G3BP1: variants seen among roughly 807,000 people sequenced by gnomAD.
The protein encoded by G3BP1 is ras GTPase-activating protein-binding protein 1.
A neutral mutation model predicts 58.6 loss-of-function variants in G3BP1; 35 were observed. The observed-to-expected ratio is 0.60, with a 90% CI of 0.46 to 0.79. G3BP1 has a LOEUF of 0.79. G3BP1 is among the 30% of genes least tolerant of loss of function. The pLI, the probability that G3BP1 is intolerant of heterozygous loss-of-function variation, is 0.00. For synonymous variants in G3BP1, 191 were observed against 195.4 expected, an observed-to-expected ratio of 0.98 and a Z score of 0.19; for missense variants, 523 against 580.8, an observed-to-expected ratio of 0.90 and a Z score of 1.02.
chr5:151,783,975 A>G (rs1041001469), intron 1 of G3BP1, among the ~76,000 whole-genome samples: 1 of 152,022 alleles, frequency 6.6e-6, no homozygotes, highest in Non-Finnish European at 1.5e-5. Context: ...GTTGGCCAGG[A>G]TGGTCTCGAT....
In G3BP1 at chr5:151,785,482, A is replaced by G. The variant is rs559702356; in HGVS notation, c.-49-1090A>G. ...AAAATTTTTCTTTCTTTTCTGCGGT[A>G]GTTAAATCTGTATATATTCTCTGTT... On this transcript the variant is annotated intron_variant, in intron 1 of 11. Coordinates refer to ENST00000356245, the MANE Select transcript of G3BP1 (RefSeq NM_005754.3). Among the ~76,000 whole-genome samples, 57 of 152,232 alleles carry G rather than the reference A, an allele frequency of 3.7e-4. 1 individual carries two copies. The South Asian group carries it at 0.011, about 30-fold the overall frequency.
chr5:151,785,107 C>G (rs1287386746), intron 1 of G3BP1, among the ~76,000 whole-genome samples: 2 of 152,232 alleles, frequency 1.3e-5, no homozygotes, highest in African/African-American at 4.8e-5. Flanking sequence ...CCTGCCTCAG[C>G]CTCCCAAGGT....
chr5:151,799,491 G>A (rs557941739), intron 8 of G3BP1, among the ~76,000 whole-genome samples, 178 bp downstream of exon 8: 2 of 152,278 alleles, frequency 1.3e-5, no homozygotes, highest in African/African-American at 4.8e-5. Flanking sequence ...TTTGAAACCA[G>A]TCTGGGCAAC....
rs7717722 is a variant in G3BP1, at chr5:151,799,680, G to T, written c.844-209G>T. Among the ~76,000 whole-genome samples, 793 of 151,402 alleles carry T rather than the reference G, an allele frequency of 5.2e-3. 9 individuals carry two copies. The highest frequency in any genetic ancestry group is 0.018 in the African/African-American group (747 of 41,210). ...ATCATGGGCGACATACTGAGACTCTGGCTCAAAAAAAAAAAACCAACCCAA... is the reference window on the plus strand; with the variant it reads ...ATCATGGGCGACATACTGAGACTCTTGCTCAAAAAAAAAAAACCAACCCAA... On this transcript the variant is annotated intron_variant, in intron 8 of 11. Transcript: ENST00000356245.
intron 2 of G3BP1, among the ~76,000 whole-genome samples, chr5:151,789,571 C>T (rs1055783561): frequency 6.6e-6 from 1 of 152,232 alleles, no homozygotes; most frequent in African/African-American, 2.4e-5. Context: ...TTAAAAAGTA[C>T]TTCTAAAACC....
chr5:151,799,245 C>A lies in G3BP1; in HGVS notation c.775C>A (p.Leu259Ile). 6.2e-7 allele frequency: 1 copy of A among 1,602,560 alleles called. No homozygotes were observed. Among genetic ancestry groups the A allele is most frequent in the Non-Finnish European group, 8.6e-7 (1 of 1,169,422 alleles). ...FSWASVTSKN[L>I]PPSGAVPVTG... Reference sequence around the variant, plus strand: ...TTGGGCATCTGTGACCAGTAAGAATCTTCCACCCAGTGGAGCTGTTCCAGT... The same window carrying A: ...TTGGGCATCTGTGACCAGTAAGAATATTCCACCCAGTGGAGCTGTTCCAGT... The change falls in exon 8 of 12, where the codon CTT becomes ATT. Residue 259 changes from leucine to isoleucine, a missense_variant. Physicochemically the swap from Leu to Ile is conservative, Grantham distance 5. Coordinates refer to ENST00000356245, the MANE Select transcript of G3BP1 (RefSeq NM_005754.3).
At chr5:151,780,045 C>T (rs1363647473) in intron 1 of G3BP1, among the ~76,000 whole-genome samples, 1 of 152,170 alleles carries the variant, frequency 6.6e-6, no homozygotes, top group Non-Finnish European at 1.5e-5. Context: ...TGTGGTTGTA[C>T]CAGTTGAGAC....
At chr5:151,790,450 A>C (rs371358185) in intron 3 of G3BP1, 46 bp downstream of exon 3, 2 of 1,022,906 alleles carry the variant, frequency 2.0e-6, no homozygotes. Flanking sequence ...GGTAGAAAAT[A>C]ACTCATAAAA....
chr5:151,790,782 T>C, intron 3 of G3BP1, 107 bp from the exon 4 acceptor site: 1 of 657,184 alleles, frequency 1.5e-6, no homozygotes, highest in Admixed American at 2.9e-5. Context: ...GTAATTTAAA[T>C]ATACACATTC....
intron 1 of G3BP1, among the ~76,000 whole-genome samples, chr5:151,779,536 GTA>G (rs1332930243): frequency 6.6e-6 from 1 of 152,094 alleles, no homozygotes; most frequent in Non-Finnish European, 1.5e-5. Context: ...TCTAGCCTGT[GTA>G]TCTATGTACG....
At chr5:151,776,586 C>A (rs1762375090) in intron 1 of G3BP1, among the ~76,000 whole-genome samples, 1 of 152,022 alleles carries the variant, frequency 6.6e-6, no homozygotes, top group Non-Finnish European at 1.5e-5. Context: ...TTATTTTCCT[C>A]ATTCCTTCTA....
chr5:151,774,724 A>G (rs763673235), intron 1 of G3BP1, among the ~76,000 whole-genome samples: 7 of 151,694 alleles, frequency 4.6e-5, no homozygotes, highest in Non-Finnish European at 7.4e-5. Flanking sequence ...GTCAAAAAAA[A>G]AAAGGAAAGC....
Position 151,807,131 on chromosome 5 carries a change from ATTTGAC to A in G3BP1, c.*3045_*3050del, listed in dbSNP as rs1324970087. On this transcript the variant is annotated 3_prime_UTR_variant, in exon 12 of 12. Coordinates refer to ENST00000356245, the MANE Select transcript of G3BP1 (RefSeq NM_005754.3). ...TGAGATAGATAATCCAAAAATAATAATTTGACTTTGGTTGAGTATGTCATTACCACA... is the reference window on the plus strand; with the variant it reads ...TGAGATAGATAATCCAAAAATAATAATTTGGTTGAGTATGTCATTACCACA... 1.3e-5 allele frequency: 2 copies of A among 152,202 alleles called. No individual in the cohort carries two copies. The highest frequency in any genetic ancestry group is 2.4e-5 in the African/African-American group (1 of 41,442). The allele number at this position is 152,202 out of a possible 1,614,324, so 9.4% of individuals were successfully genotyped here. A position where few individuals can be genotyped will look rare whatever the true frequency, so the allele number is the denominator to read the frequency against.
intron 1 of G3BP1, among the ~76,000 whole-genome samples, chr5:151,784,887 T>C (rs1762532697): frequency 6.6e-6 from 1 of 152,222 alleles, no homozygotes; most frequent in Non-Finnish European, 1.5e-5. Flanking sequence ...AATGGGAAAC[T>C]ATAAGCGTAT....
In G3BP1 at chr5:151,801,819, AT is replaced by A. The variant is rs570635661; in HGVS notation, c.1194+963del. Among the ~76,000 whole-genome samples, 746 of 145,598 alleles carry A rather than the reference AT, an allele frequency of 5.1e-3. 4 individuals are homozygous for A. Among genetic ancestry groups the A allele is most frequent in the African/African-American group, 0.014 (544 of 40,058 alleles). ...ATACTGCAAAGTTTTTTATTTTTTT[AT>A]TTTTTTTTTTTTGAGACAGTGTCTC... On this transcript the variant is annotated intron_variant, in intron 11 of 11. Coordinates refer to ENST00000356245, the MANE Select transcript of G3BP1 (RefSeq NM_005754.3).
chr5:151,798,903 A>G (rs546111821), intron 7 of G3BP1, among the ~76,000 whole-genome samples: 23 of 151,914 alleles, frequency 1.5e-4, no homozygotes, highest in Middle Eastern at 6.8e-3. Flanking sequence ...GTAGGCTGCA[A>G]TGAGCTGTGT....
chr5:151,781,627 C>T (rs1258291751), intron 1 of G3BP1, among the ~76,000 whole-genome samples: 1 of 152,180 alleles, frequency 6.6e-6, no homozygotes, highest in Non-Finnish European at 1.5e-5. Flanking sequence ...TATTAAATTG[C>T]TTGATCTGTA....
chr5:151,779,662 G>A (rs1322357540), intron 1 of G3BP1, among the ~76,000 whole-genome samples: 2 of 152,276 alleles, frequency 1.3e-5, no homozygotes, highest in African/African-American at 2.4e-5. Context: ...TTATGTGCTC[G>A]CTTTCTGGCA....
At chr5:151,797,455 C>A (rs1762773791) in intron 7 of G3BP1, 27 bp downstream of exon 7, 3 of 1,575,072 alleles carry the variant, frequency 1.9e-6, no homozygotes, top group Non-Finnish European at 2.6e-6. Context: ...CATTTTTATT[C>A]TATTCCTAGT....
Sources: gnomAD v4.1 joint callset for allele counts (sites outside exome capture counted in the v4.1 genomes callset) on GRCh38, gnomAD v4.1.1 for gene constraint, MANE v1.5 for transcripts, NCBI Gene and HGNC (gene_info 2026-07-23, HGNC 2026-07-21) for gene names.